TAFA4: variants seen among roughly 807,000 people sequenced by gnomAD.
TAFA4 encodes the protein TAFA chemokine like family member 4.
In TAFA4, 20 loss-of-function variants were observed where a neutral mutation model predicts 21.1. That is an observed-to-expected ratio of 0.95 (90% CI 0.67 to 1.38). The LOEUF (loss-of-function observed/expected upper bound fraction) is 1.38, where lower values mean the gene tolerates loss of function less well. Ranked by LOEUF, TAFA4 falls within the 40% of genes most tolerant of loss-of-function variation. TAFA4 has a pLI of 0.00. For synonymous variants in TAFA4, 71 were observed against 67.4 expected (o/e 1.05, Z -0.26); for missense variants, 211 against 180.9 (o/e 1.17, Z -0.95).
At chr3:68,901,685 GAA>G (rs1212142205) in intron 1 of TAFA4, among the ~76,000 whole-genome samples, 2 of 152,162 alleles carry the variant, frequency 1.3e-5, no homozygotes, top group Non-Finnish European at 1.5e-5. Flanking sequence ...TACTACTGCA[GAA>G]AGTTATATTG....
chr3:68,899,182 T>C (rs1575663807), intron 1 of TAFA4, among the ~76,000 whole-genome samples: 1 of 152,188 alleles, frequency 6.6e-6, no homozygotes, highest in African/African-American at 2.4e-5. Flanking sequence ...AAAGAAAATT[T>C]AGCATCCAAA....
At chr3:68,926,218 C>G (rs1267594034) in intron 1 of TAFA4, among the ~76,000 whole-genome samples, 1 of 144,932 alleles carries the variant, frequency 6.9e-6, no homozygotes, top group East Asian at 2.0e-4. Flanking sequence ...AACAGAGACT[C>G]TGTCTCCAAA....
chr3:68,879,617 T>C (rs2089593383), intron 3 of TAFA4, among the ~76,000 whole-genome samples: 1 of 152,208 alleles, frequency 6.6e-6, no homozygotes, highest in Non-Finnish European at 1.5e-5. Flanking sequence ...TTTATGCTGA[T>C]TTGCTGAAAC....
At chr3:68,896,457 A>G (rs2089789785) in intron 1 of TAFA4, among the ~76,000 whole-genome samples, 1 of 152,200 alleles carries the variant, frequency 6.6e-6, no homozygotes, top group Admixed American at 6.5e-5. Context: ...CCGAGCACAC[A>G]ACAGGTTCTC....
chr3:68,907,147 G>A (rs989111898), intron 1 of TAFA4, among the ~76,000 whole-genome samples: 28 of 151,576 alleles, frequency 1.8e-4, no homozygotes, highest in African/African-American at 5.8e-4. Context: ...TTTCAATAAC[G>A]TGATTTTAGC....
chr3:68,806,231 T>C (rs910844517), intron 3 of TAFA4, among the ~76,000 whole-genome samples: 6 of 152,184 alleles, frequency 3.9e-5, no homozygotes, highest in Admixed American at 2.0e-4. Flanking sequence ...TGGCATTTTC[T>C]TGTTAAGTAA....
At chr3:68,831,109 T>C (rs1395544219) in intron 3 of TAFA4, among the ~76,000 whole-genome samples, 1 of 152,240 alleles carries the variant, frequency 6.6e-6, no homozygotes, top group African/African-American at 2.4e-5. Flanking sequence ...GTCTCCTGAA[T>C]ACAGCACACC....
At chr3:68,919,014 AC>A (rs943124917) in intron 1 of TAFA4, among the ~76,000 whole-genome samples, 12 of 152,082 alleles carry the variant, frequency 7.9e-5, no homozygotes, top group African/African-American at 2.4e-4. Flanking sequence ...GAAATTCCAA[AC>A]CCCTGCCATA....
At chr3:68,832,896 T>C (rs1219180622) in intron 3 of TAFA4, among the ~76,000 whole-genome samples, 11 of 152,188 alleles carry the variant, frequency 7.2e-5, no homozygotes, top group Non-Finnish European at 4.4e-5. Context: ...AACCGCCTAC[T>C]CAAGCCTCAG....
intron 4 of TAFA4, among the ~76,000 whole-genome samples, chr3:68,745,919 C>A (rs1217742527): frequency 6.6e-6 from 1 of 152,088 alleles, no homozygotes; most frequent in Non-Finnish European, 1.5e-5. Flanking sequence ...CCTGGGTATG[C>A]CTGTGAGGGT....
intron 3 of TAFA4, among the ~76,000 whole-genome samples, chr3:68,822,680 G>C (rs1469433056): frequency 6.6e-6 from 1 of 152,062 alleles, no homozygotes; most frequent in African/African-American, 2.4e-5. Flanking sequence ...ATGTTTCAGG[G>C]AGGCTGGTTT....
intron 1 of TAFA4, among the ~76,000 whole-genome samples, chr3:68,886,239 A>G (rs1248340329): frequency 6.6e-6 from 1 of 152,222 alleles, no homozygotes; most frequent in Non-Finnish European, 1.5e-5. Context: ...TGATTAGAGA[A>G]CACTTTCGGT....
At chr3:68,909,823 G>A (rs1281762705) in intron 1 of TAFA4, among the ~76,000 whole-genome samples, 3 of 152,240 alleles carry the variant, frequency 2.0e-5, no homozygotes, top group South Asian at 2.1e-4. Context: ...TCTTTGGGTC[G>A]GAAGCCTGCG....
intron 4 of TAFA4, among the ~76,000 whole-genome samples, 170 bp downstream of exon 4, chr3:68,752,693 A>T (rs550448426): frequency 1.3e-5 from 2 of 152,318 alleles, no homozygotes; most frequent in African/African-American, 4.8e-5. Context: ...TTGAAGGCAT[A>T]TCTTACCATC....
intron 3 of TAFA4, among the ~76,000 whole-genome samples, chr3:68,780,512 C>T (rs1174832839): frequency 7.2e-5 from 11 of 152,148 alleles, no homozygotes; most frequent in Admixed American, 6.5e-4. Flanking sequence ...GTGAATAAGT[C>T]TCATGAGATC....
At chr3:68,763,166 GA>G (rs1702786325) in intron 3 of TAFA4, among the ~76,000 whole-genome samples, 2 of 152,240 alleles carry the variant, frequency 1.3e-5, no homozygotes, top group African/African-American at 4.8e-5. Context: ...ATATTCAAAA[GA>G]GAGTGATTTA....
At chr3:68,787,122 G>C (rs1387000049) in intron 3 of TAFA4, among the ~76,000 whole-genome samples, 1 of 152,166 alleles carries the variant, frequency 6.6e-6, no homozygotes, top group Admixed American at 6.5e-5. Flanking sequence ...AGAAGAGTCA[G>C]TTGAGGCCAA....
rs1703479743 is a variant in TAFA4, at chr3:68,797,714, A to G, written c.131-44696T>C. 2.0e-5 allele frequency among the ~76,000 whole-genome samples: 3 copies of G among 152,156 alleles called. No homozygotes were observed. The South Asian group carries it at 6.2e-4, about 31-fold the overall frequency. ...GTGAAATAAGCTGGTCACAAAAAGA[A>G]AAATACCATACGAGGTACCTAGAGT... On this transcript the variant is annotated intron_variant, in intron 3 of 5. Transcript: ENST00000295569.
intron 3 of TAFA4, among the ~76,000 whole-genome samples, chr3:68,878,484 G>A (rs2089579189): frequency 6.6e-6 from 1 of 152,152 alleles, no homozygotes; most frequent in Non-Finnish European, 1.5e-5. Flanking sequence ...CCTTCCAGAA[G>A]GCATCTTTCC....
Sources: gnomAD v4.1 joint callset for allele counts (sites outside exome capture counted in the v4.1 genomes callset) on GRCh38, gnomAD v4.1.1 for gene constraint, MANE v1.5 for transcripts, NCBI Gene and HGNC (gene_info 2026-07-23, HGNC 2026-07-21) for gene names.